Variants in CSMD1 observed in about 807,000 individuals in gnomAD.
CSMD1 encodes the protein CUB and sushi domain-containing protein 1.
A neutral mutation model predicts 417.5 loss-of-function variants in CSMD1; 213 were observed. The observed-to-expected ratio is 0.51, with a 90% CI of 0.46 to 0.57. CSMD1 has a LOEUF of 0.57. Among genes scored for constraint, CSMD1 ranks in the 20% least tolerant of loss-of-function variants. CSMD1 has a pLI of 0.00. For synonymous variants in CSMD1, 2,862 were observed against 1,736.8 expected (o/e 1.65, Z -16.11); for missense variants, 6,923 against 4,529.7 (o/e 1.53, Z -15.17).
chr8:4,994,219 C>T (rs899796790), intron 1 of CSMD1, 113 bp downstream of exon 1: 2 of 886,828 alleles, frequency 2.3e-6, no homozygotes, highest in African/African-American at 1.6e-5. Context: ...GGAGCAGCGC[C>T]GGGCAGAGGC....
intron 18 of CSMD1, chr8:3,373,233 T>C (rs999746301): frequency 6.6e-6 from 1 of 152,178 alleles, no homozygotes; most frequent in African/African-American, 2.4e-5. Context: ...TACTTGATCA[T>C]TTATTGGGGA....
intron 3 of CSMD1, among the ~76,000 whole-genome samples, chr8:4,267,960 A>G (rs546881132): frequency 1.3e-5 from 2 of 152,220 alleles, no homozygotes; most frequent in South Asian, 2.1e-4. Flanking sequence ...ACATTTTTGG[A>G]TCTATTTTCT....
chr8:4,028,823 A>G (rs774603683), intron 4 of CSMD1, among the ~76,000 whole-genome samples: 5 of 152,228 alleles, frequency 3.3e-5, no homozygotes, highest in Non-Finnish European at 7.3e-5. Flanking sequence ...TAAGACCTCA[A>G]TAAATGTTAG....
chr8:4,011,706 TG>T (rs1318623698), intron 4 of CSMD1, among the ~76,000 whole-genome samples: 1 of 152,028 alleles, frequency 6.6e-6, no homozygotes, highest in African/African-American at 2.4e-5. Flanking sequence ...CACAAGAACT[TG>T]CAAAATAGTA....
intron 14 of CSMD1, among the ~76,000 whole-genome samples, chr8:3,406,636 T>C (rs936504603): frequency 2.6e-5 from 4 of 152,142 alleles, no homozygotes; most frequent in South Asian, 4.1e-4. Flanking sequence ...GCTATCTTTA[T>C]TTACAGAATG....
intron 47 of CSMD1, among the ~76,000 whole-genome samples, chr8:3,092,172 T>C (rs1435116850): frequency 6.6e-6 from 1 of 152,074 alleles, no homozygotes; most frequent in African/African-American, 2.4e-5. Context: ...TCATGGCAAA[T>C]TTTAGATCAA....
chr8:4,160,103 G>A (rs980921898), intron 3 of CSMD1, among the ~76,000 whole-genome samples: 4 of 9,474 alleles, frequency 4.2e-4, no homozygotes, highest in Admixed American at 1.7e-3. Flanking sequence ...AAAAGAAAAA[G>A]CACTGAGGAC....
chr8:4,117,820 G>C (rs1474498094), intron 3 of CSMD1, among the ~76,000 whole-genome samples: 2 of 152,008 alleles, frequency 1.3e-5, no homozygotes, highest in African/African-American at 4.8e-5. Flanking sequence ...AGGACACCTA[G>C]TTAGAACATC....
chr8:3,911,179 C>T (rs1009472757), intron 5 of CSMD1, among the ~76,000 whole-genome samples: 2 of 152,152 alleles, frequency 1.3e-5, no homozygotes, highest in Non-Finnish European at 2.9e-5. Flanking sequence ...GTGTCTGCTT[C>T]CAGACGGGTC....
rs1017070525 is a variant in CSMD1 at position 3,142,744 on chromosome 8, G to A, written c.6032-70C>T. On this transcript the variant is annotated intron_variant, in intron 40 of 69. Transcript: ENST00000635120. ...TATAAAATCAATGCTCATAAAAAGG[G>A]ACTGAAGTGTTAGCAGTCTCCCCAG... 3.9e-6 allele frequency: 5 copies of A among 1,284,444 alleles called. No homozygotes were observed. In the African/African-American group the frequency reaches 5.9e-5, roughly 15 times the overall value. 79.6% of individuals were successfully genotyped at this position (1,284,444 alleles called of 1,614,324 possible). A position where few individuals can be genotyped will look rare whatever the true frequency, so the allele number is the denominator to read the frequency against.
At chr8:3,033,386 G>A (rs980168639) in intron 50 of CSMD1, among the ~76,000 whole-genome samples, 2 of 152,112 alleles carry the variant, frequency 1.3e-5, no homozygotes, top group Non-Finnish European at 2.9e-5. Flanking sequence ...ACTACTGATT[G>A]TTAGAAAGAG....
chr8:3,443,164 T>A (rs913675380), intron 12 of CSMD1, among the ~76,000 whole-genome samples: 1 of 152,168 alleles, frequency 6.6e-6, no homozygotes, highest in South Asian at 2.1e-4. Flanking sequence ...ACGTGTCACC[T>A]TCTGCTGCAA....
chr8:4,463,870 C>T (rs2129974283), intron 2 of CSMD1, among the ~76,000 whole-genome samples: 1 of 152,252 alleles, frequency 6.6e-6, no homozygotes, highest in South Asian at 2.1e-4. Flanking sequence ...GAAGAGTACA[C>T]TTCAGGTCAA....
At chr8:4,078,341 G>A (rs1052547081) in intron 3 of CSMD1, among the ~76,000 whole-genome samples, 51 of 144,282 alleles carry the variant, frequency 3.5e-4, no homozygotes, top group African/African-American at 1.2e-3. Context: ...TTGAGAGGGA[G>A]TCTTGCTCTG....
chr8:4,553,042 T>C (rs1797940015), intron 2 of CSMD1, among the ~76,000 whole-genome samples: 2 of 152,222 alleles, frequency 1.3e-5, no homozygotes, highest in African/African-American at 2.4e-5. Flanking sequence ...AATAATAAGC[T>C]CACATTTTCA....
At chr8:4,845,529 G>C (rs146891102) in intron 1 of CSMD1, among the ~76,000 whole-genome samples, 80 of 152,278 alleles carry the variant, frequency 5.3e-4, no homozygotes, top group African/African-American at 1.8e-3. Flanking sequence ...TACGTATTTT[G>C]GCCACTGTTG....
chr8:3,892,560 A>AT lies in CSMD1; in HGVS notation c.818+105342_818+105343insA, dbSNP rs1491090991. On this transcript the variant is annotated intron_variant, in intron 5 of 69. Coordinates refer to ENST00000635120, the MANE Select transcript of CSMD1 (RefSeq NM_033225.6). ...AATAATAATAATAATAATAATAATA[A>AT]GATTACTCTAAGTAAAACCAGTTAA... Among the ~76,000 whole-genome samples the AT allele has an allele frequency of 1.7e-3, 232 of 139,224 alleles. 1 individual carries two copies. Among genetic ancestry groups the AT allele is most frequent in the African/African-American group, 6.0e-3 (217 of 36,254 alleles). 91.3% of individuals were successfully genotyped at this position (139,224 alleles called of 152,430 possible). A position where few individuals can be genotyped will look rare whatever the true frequency, so the allele number is the denominator to read the frequency against.
At chr8:4,223,776 G>C (rs1047305632) in intron 3 of CSMD1, among the ~76,000 whole-genome samples, 1 of 152,172 alleles carries the variant, frequency 6.6e-6, no homozygotes, top group Admixed American at 6.5e-5. Flanking sequence ...GACCTAGTCT[G>C]ATGCAAATTA....
chr8:4,202,486 G>C (rs142327975), intron 3 of CSMD1, among the ~76,000 whole-genome samples: 30 of 152,228 alleles, frequency 2.0e-4, no homozygotes, highest in African/African-American at 6.0e-4. Flanking sequence ...TTTTAAACTA[G>C]GTCTTCAATA....
Sources: gnomAD v4.1 joint callset for allele counts (sites outside exome capture counted in the v4.1 genomes callset) on GRCh38, gnomAD v4.1.1 for gene constraint, MANE v1.5 for transcripts, NCBI Gene and HGNC (gene_info 2026-07-23, HGNC 2026-07-21) for gene names.